Variants in ZNF7 observed in about 807,000 individuals in gnomAD.
ZNF7 encodes zinc finger protein 7.
In ZNF7, 10 loss-of-function variants were observed where a neutral mutation model predicts 12.0. The ratio of observed to expected loss-of-function variants is 0.83; its 90% CI spans 0.51 to 1.42. ZNF7 has a LOEUF of 1.42. Among genes scored for constraint, ZNF7 ranks in the 40% most tolerant of loss-of-function variants. The pLI is 0.00. For missense variants in ZNF7, 854 were observed against 837.2 expected (o/e 1.02, Z -0.25); for synonymous variants, 334 against 295.0 (o/e 1.13, Z -1.35).
chr8:144,844,431 C>T (rs1289935615), downstream of ZNF7, among the ~76,000 whole-genome samples: 4 of 152,104 alleles, frequency 2.6e-5, no homozygotes, highest in Non-Finnish European at 5.9e-5. Flanking sequence ...CGAAAATGGG[C>T]CGGGCGTGGT....
At chr8:144,828,934 G>A in intron 1 of ZNF7, 109 bp from the exon 2 acceptor site, 1 of 1,425,718 alleles carries the variant, frequency 7.0e-7, no homozygotes, top group Non-Finnish European at 9.5e-7. Context: ...CCCTGCTAGA[G>A]AAATCTGGGG....
At chr8:144,830,404 G>A (rs112643382) in intron 3 of ZNF7, among the ~76,000 whole-genome samples, 4 of 152,318 alleles carry the variant, frequency 2.6e-5, no homozygotes, top group African/African-American at 9.6e-5. Flanking sequence ...GATTTCTGCT[G>A]AGCTTGAGCC....
chr8:144,840,715 C>T (rs1829778962), intron 4 of ZNF7, among the ~76,000 whole-genome samples: 1 of 152,106 alleles, frequency 6.6e-6, no homozygotes, highest in Non-Finnish European at 1.5e-5. Flanking sequence ...TCAGTGTGGT[C>T]TTAGAGGTGG....
rs1829928017 is a variant in ZNF7 at position 144,841,669 on chromosome 8, G to GA, written c.562_563insA (p.Gly188GlufsTer31). 1 of 1,613,860 alleles carries GA rather than the reference G, an allele frequency of 6.2e-7. No homozygotes were observed. The highest frequency in any genetic ancestry group is 1.3e-5 in the African/African-American group (1 of 74,844). On this transcript the variant is annotated frameshift_variant, in exon 5 of 5. Transcript: ENST00000532777. LOFTEE classifies it low-confidence loss of function (END_TRUNC). ...GGATTGTCAGCCTCTTGAAAGTCAG[G>GA]GAGAGAGTGCGGAAGGGATGTCCCA... is the stretch of plus-strand genomic sequence containing the variant.
chr8:144,839,206 G>A (rs1401292178), intron 4 of ZNF7, among the ~76,000 whole-genome samples: 14 of 151,602 alleles, frequency 9.2e-5, no homozygotes, highest in Middle Eastern at 3.4e-3. Context: ...ATTCATATGC[G>A]CCTAGGGGCT....
chr8:144,827,787 G>A (rs1297617722), intron 1 of ZNF7, 178 bp downstream of exon 1: 3 of 698,342 alleles, frequency 4.3e-6, no homozygotes, highest in East Asian at 1.3e-4. Flanking sequence ...GTCGAGCCCA[G>A]CCACCCTCCC....
chr8:144,843,141 C>T lies in ZNF7; in HGVS notation c.2034C>T (p.Thr678=), dbSNP rs745632911. The T allele has an allele frequency of 6.3e-7, 1 of 1,593,582 alleles. No homozygotes were observed. Among genetic ancestry groups the T allele is most frequent in the Non-Finnish European group, 8.5e-7 (1 of 1,172,080 alleles). ...CTTTTAATCGTAGCTCAAGGCTTAC[C>T]CAGCATCAAAAAATTCACATGGGAT... The part of the protein sequence containing the change: ...GKAFNRSSRL[T]QHQKIHMG The change falls in exon 5 of 5, where the codon ACC becomes ACT. Residue 678 remains threonine, a synonymous_variant. Transcript: ENST00000532777.
At chr8:144,845,896 G>T (rs1037604108), downstream of ZNF7, 8 of 1,375,976 alleles carry the variant, frequency 5.8e-6, no homozygotes, top group Non-Finnish European at 7.8e-6. Flanking sequence ...CTGCTGAGAA[G>T]GGTCTTGGCA....
downstream of ZNF7, chr8:144,845,887 T>G: frequency 7.7e-7 from 1 of 1,305,544 alleles, no homozygotes. Context: ...GTCACGTGGC[T>G]GCTGAGAAGG....
At chr8:144,841,242 C>T (rs1829867617) in intron 4 of ZNF7, 113 bp from the exon 5 acceptor site, 1 of 1,086,046 alleles carries the variant, frequency 9.2e-7, no homozygotes, top group Non-Finnish European at 1.3e-6. Context: ...TGGGGCCTCA[C>T]AGTGCTCAGT....
chr8:144,846,300 T>C, downstream of ZNF7: 2 of 1,009,692 alleles, frequency 2.0e-6, no homozygotes, highest in East Asian at 2.6e-5. Flanking sequence ...TGGATTGACA[T>C]GGTCCTAAGT....
chr8:144,830,369 T>C (rs1168827536), intron 3 of ZNF7, among the ~76,000 whole-genome samples: 2 of 152,296 alleles, frequency 1.3e-5, no homozygotes, highest in East Asian at 3.9e-4. Flanking sequence ...TGGGAGGCTG[T>C]TGTAGTTTGA....
intron 3 of ZNF7, chr8:144,830,074 C>T (rs969966795): frequency 1.3e-5 from 2 of 155,446 alleles, no homozygotes; most frequent in Non-Finnish European, 2.9e-5. Flanking sequence ...CTCTTTATGT[C>T]CATGCCTGTG....
At position 144,829,526 on chromosome 8, in the gene ZNF7, T is replaced by C; in HGVS notation, c.52T>C (p.Trp18Arg). The change falls in exon 3 of 5, where the codon TGG (tryptophan) becomes CGG (arginine). Residue 18 changes from tryptophan (W) to arginine (R), a missense_variant. Trp to Arg is a moderately radical substitution (Grantham distance 101). Coordinates refer to ENST00000532777, the MANE Select transcript of ZNF7 (RefSeq NM_003416.4). ...GGCTGTGCACTTCTCTCGGGAGGAGTGGCAGTGTCTGGACCCTGGCCAGAG... is the reference window on the plus strand; with the variant it reads ...GGCTGTGCACTTCTCTCGGGAGGAGCGGCAGTGTCTGGACCCTGGCCAGAG... Reference protein sequence around the residue: ...DVAVHFSREEWQCLDPGQRAL... With the variant: ...DVAVHFSREERQCLDPGQRAL... The C allele has an allele frequency of 6.2e-7, 1 of 1,613,882 alleles. No individual in the cohort carries two copies. The highest frequency in any genetic ancestry group is 8.5e-7 in the Non-Finnish European group (1 of 1,179,986).
In ZNF7 at chr8:144,843,092, A is replaced by G; in HGVS notation, c.1985A>G (p.Tyr662Cys). 1.2e-6 allele frequency: 2 copies of G among 1,613,010 alleles called. No homozygotes were observed. The highest frequency in any genetic ancestry group is 1.7e-6 in the Non-Finnish European group (2 of 1,179,700). ...HQRIHTGEKP[Y>C]KCNDCGKAFN... Reference sequence around the variant, plus strand: ...AGAATTCACACCGGGGAGAAGCCTTATAAATGCAATGACTGTGGCAAAGCT... The same window carrying G: ...AGAATTCACACCGGGGAGAAGCCTTGTAAATGCAATGACTGTGGCAAAGCT... The change falls in exon 5 of 5, where the codon TAT becomes TGT. Residue 662 changes from tyrosine (Y) to cysteine (C), a missense_variant. Physicochemically the swap from Tyr to Cys is radical, Grantham distance 194 (BLOSUM62 -2). Coordinates refer to ENST00000532777, the MANE Select transcript of ZNF7 (RefSeq NM_003416.4).
chr8:144,841,386 C>G lies in ZNF7; in HGVS notation c.279C>G (p.Ala93=). 6.2e-7 allele frequency: 1 copy of G among 1,611,434 alleles called. No homozygotes were observed. Among genetic ancestry groups the G allele is most frequent in the Non-Finnish European group, 8.5e-7 (1 of 1,177,742 alleles). Reference sequence around the variant, plus strand: ...CGATTAGGACTGAAAATGAGCAGGCCTGTGAGGACATGGACATCCTAAAAT... The same window carrying G: ...CGATTAGGACTGAAAATGAGCAGGCGTGTGAGGACATGGACATCCTAAAAT... ...DSTIRTENEQ[A]CEDMDILKSE... is the part of the protein sequence containing the mutation. The change falls in exon 5 of 5, where the codon GCC becomes GCG. Residue 93 remains alanine, a synonymous_variant. Coordinates refer to ENST00000532777, the MANE Select transcript of ZNF7 (RefSeq NM_003416.4).
chr8:144,843,090 T>C lies in ZNF7; in HGVS notation c.1983T>C (p.Pro661=). The C allele has an allele frequency of 6.2e-7, 1 of 1,612,730 alleles. No homozygotes were observed. The highest frequency in any genetic ancestry group is 8.5e-7 in the Non-Finnish European group (1 of 1,179,624). Residue 661 remains proline (P), a synonymous_variant, in exon 5 of 5, where the codon CCT becomes CCC. Coordinates refer to ENST00000532777, the MANE Select transcript of ZNF7 (RefSeq NM_003416.4). ...AGAGAATTCACACCGGGGAGAAGCC[T>C]TATAAATGCAATGACTGTGGCAAAG... ...IHQRIHTGEK[P]YKCNDCGKAF...
At chr8:144,844,400 T>TA (rs1239680962), downstream of ZNF7, among the ~76,000 whole-genome samples, 1 of 151,666 alleles carries the variant, frequency 6.6e-6, no homozygotes, top group African/African-American at 2.4e-5. Context: ...GAGGAGGAAA[T>TA]AAAGACAGTG....
chr8:144,841,101 C>T (rs1362130189), intron 4 of ZNF7: 2 of 477,008 alleles, frequency 4.2e-6, no homozygotes, highest in Non-Finnish European at 7.5e-6. Context: ...GGATGGACCT[C>T]TCTGCTCACA....
Sources: gnomAD v4.1 joint callset for allele counts (sites outside exome capture counted in the v4.1 genomes callset) on GRCh38, gnomAD v4.1.1 for gene constraint, MANE v1.5 for transcripts, NCBI Gene and HGNC (gene_info 2026-07-23, HGNC 2026-07-21) for gene names.